SRGAP1: variants seen among roughly 807,000 people sequenced by gnomAD.
SRGAP1 encodes the protein SLIT-ROBO Rho GTPase-activating protein 1.
Under a neutral mutation model 121.9 loss-of-function variants are expected in SRGAP1, and 43 were observed. The observed-to-expected ratio is 0.35, with a 90% confidence interval of 0.28 to 0.46. The LOEUF (loss-of-function observed/expected upper bound fraction) is 0.46, where lower values mean the gene tolerates loss of function less well. SRGAP1 is among the 20% of genes least tolerant of loss of function. The pLI is 1.00. For missense variants in SRGAP1, 1,102 were observed against 1,350.9 expected, an observed-to-expected ratio of 0.82 and a Z score of 2.89; for synonymous variants, 447 against 485.4, an observed-to-expected ratio of 0.92 and a Z score of 1.04.
At chr12:63,998,250 A>G (rs912387986) in intron 3 of SRGAP1, among the ~76,000 whole-genome samples, 1 of 152,226 alleles carries the variant, frequency 6.6e-6, no homozygotes, top group Non-Finnish European at 1.5e-5. Flanking sequence ...TAAGTAATGA[A>G]TAAAGATTTA....
At chr12:63,925,917 C>G (rs1356888711) in intron 1 of SRGAP1, among the ~76,000 whole-genome samples, 38 of 152,120 alleles carry the variant, frequency 2.5e-4, no homozygotes, top group Non-Finnish European at 1.5e-5. Context: ...CCATTTTGTT[C>G]TTTAATTCAC....
rs965042351 is a variant in SRGAP1 at position 64,142,508 on chromosome 12, A to G, written c.3094A>G (p.Ser1032Gly). ...PQIRRSTSSS[S>G]DTMSTFKPMV... is the part of the protein sequence containing the mutation. ...GATTCGACGTAGCACGAGCTCCTCC[A>G]GTGACACAATGAGTACTTTCAAGCC... Residue 1032 changes from serine (S) to glycine (G), a missense_variant, in exon 22 of 22, where the codon AGT becomes GGT. Ser to Gly is a moderately conservative substitution (Grantham distance 56). Coordinates refer to ENST00000355086, the MANE Select transcript of SRGAP1 (RefSeq NM_020762.4). The G allele has an allele frequency of 3.1e-6, 5 of 1,614,186 alleles. No individual in the cohort carries two copies. The highest frequency in any genetic ancestry group is 2.5e-6 in the Non-Finnish European group (3 of 1,180,036).
chr12:63,960,148 A>G lies in SRGAP1; in HGVS notation c.68-23799A>G, dbSNP rs543717249. Reference sequence around the variant, plus strand: ...GGAAAATGCCTGCGTGTTTGGTCCAATAGTGGAATCCATTTAAGGTGACAT... The same window carrying G: ...GGAAAATGCCTGCGTGTTTGGTCCAGTAGTGGAATCCATTTAAGGTGACAT... On this transcript the variant is annotated intron_variant, in intron 1 of 21. Transcript: ENST00000355086. Among the ~76,000 whole-genome samples, 5 of 152,332 alleles carry G rather than the reference A, an allele frequency of 3.3e-5. No homozygotes were observed. In the South Asian group the frequency reaches 1.0e-3, roughly 32 times the overall value.
intron 1 of SRGAP1, among the ~76,000 whole-genome samples, chr12:63,949,013 C>T: frequency 1.7e-5 from 2 of 115,342 alleles, no homozygotes; most frequent in African/African-American, 8.0e-5. Flanking sequence ...TATATATATT[C>T]ATATATGTAT....
At position 64,154,098 on chromosome 12, in the gene SRGAP1, CTT is replaced by C. The variant is rs2037145575; in HGVS notation, c.*11427_*11428del. On this transcript the variant is annotated 3_prime_UTR_variant, in exon 22 of 22. Transcript: ENST00000355086. ...ATGAGATATCTAAAGTAGTCAAACT[CTT>C]ATAAACAGAAAGCAGAATGGTGATT... 6.6e-6 allele frequency: 1 copy of C among 152,102 alleles called. No homozygotes were observed. 9.4% of individuals were successfully genotyped at this position (152,102 alleles called of 1,614,324 possible).
intron 21 of SRGAP1, among the ~76,000 whole-genome samples, chr12:64,138,431 T>C (rs993594031): frequency 6.6e-6 from 1 of 150,414 alleles, no homozygotes; most frequent in African/African-American, 2.4e-5. Flanking sequence ...CCTTTTACTA[T>C]CTGAAATAAA....
In SRGAP1 at chr12:64,091,356, G is replaced by T; in HGVS notation, c.1517G>T (p.Gly506Val). The T allele has an allele frequency of 6.2e-7, 1 of 1,607,228 alleles. No individual in the cohort carries two copies. Among genetic ancestry groups the T allele is most frequent in the Non-Finnish European group, 8.5e-7 (1 of 1,175,946 alleles). ...RSQYNTKLFNGDLETFVKDSG... is the reference protein window; with the variant it reads ...RSQYNTKLFNVDLETFVKDSG... ...CAGTATAATACTAAGTTGTTTAATG[G>T]GGATTTGGAAACATTCGTCAAGGTA... The change falls in exon 12 of 22, where the codon GGG becomes GTG. Residue 506 changes from glycine to valine, a missense_variant. Physicochemically the swap from Gly to Val is moderately radical, Grantham distance 109. This residue lies in a region of SRGAP1 where 747 missense variants were observed against 929.4 expected (regional missense o/e 0.80). Coordinates refer to ENST00000355086, the MANE Select transcript of SRGAP1 (RefSeq NM_020762.4).
At position 64,036,307 on chromosome 12, in the gene SRGAP1, C is replaced by T. The variant is rs569966842; in HGVS notation, c.490-6483C>T. ...AAGGTGGCCCTGGTGGCTTTCCCCA[C>T]GCACCTGAGAGTTTCCTGGGAAACA... On this transcript the variant is annotated intron_variant, in intron 4 of 21. Coordinates refer to ENST00000355086, the MANE Select transcript of SRGAP1 (RefSeq NM_020762.4). Among the ~76,000 whole-genome samples the T allele has an allele frequency of 2.6e-5, 4 of 152,266 alleles. No homozygotes were observed. The South Asian group carries it at 8.3e-4, about 32-fold the overall frequency.
chr12:64,078,848 G>A, intron 8 of SRGAP1, 71 bp from the exon 9 acceptor site: 1 of 1,511,054 alleles, frequency 6.6e-7, no homozygotes, highest in Non-Finnish European at 9.0e-7. Flanking sequence ...CTACCTGACA[G>A]AGTGGACTCT....
chr12:63,902,496 T>C (rs918393696), intron 1 of SRGAP1, among the ~76,000 whole-genome samples: 45 of 152,204 alleles, frequency 3.0e-4, no homozygotes, highest in African/African-American at 1.1e-3. Context: ...GAAAGCAGAC[T>C]AACCACAGTT....
At chr12:63,891,527 A>T (rs2136297000) in intron 1 of SRGAP1, among the ~76,000 whole-genome samples, 1 of 152,136 alleles carries the variant, frequency 6.6e-6, no homozygotes, top group African/African-American at 2.4e-5. Flanking sequence ...ATTACTTAGG[A>T]TCTGGTTGGG....
chr12:64,020,775 G>A (rs1435553570), intron 4 of SRGAP1, among the ~76,000 whole-genome samples: 1 of 151,032 alleles, frequency 6.6e-6, no homozygotes, highest in Non-Finnish European at 1.5e-5. Context: ...CCCAAGAGGT[G>A]GGGATTGCAG....
intron 3 of SRGAP1, among the ~76,000 whole-genome samples, chr12:64,015,912 A>G (rs2034389858): frequency 6.6e-6 from 1 of 152,178 alleles, no homozygotes; most frequent in Non-Finnish European, 1.5e-5. Flanking sequence ...ATGGGGGAAA[A>G]AAGGTCATTT....
intron 21 of SRGAP1, among the ~76,000 whole-genome samples, chr12:64,132,475 T>A (rs765420078): frequency 6.6e-5 from 10 of 152,232 alleles, no homozygotes; most frequent in Non-Finnish European, 1.5e-4. Context: ...AAGAGGAACG[T>A]GTTGCCTCCA....
intron 3 of SRGAP1, among the ~76,000 whole-genome samples, chr12:63,992,758 T>A (rs879442899): frequency 1.3e-5 from 2 of 151,858 alleles, no homozygotes; most frequent in African/African-American, 2.4e-5. Context: ...AACAGATATG[T>A]CTTCTTGCTT....
At chr12:64,133,067 T>G (rs2036809706) in intron 21 of SRGAP1, among the ~76,000 whole-genome samples, 1 of 152,268 alleles carries the variant, frequency 6.6e-6, no homozygotes, top group African/African-American at 2.4e-5. Flanking sequence ...ACTGTCATTC[T>G]CCAGAATCCA....
chr12:64,110,789 G>A lies in SRGAP1; in HGVS notation c.1920-973G>A, dbSNP rs191813317. Reference sequence around the variant, plus strand: ...AAGGGAAAGACATATGTTAGCTATGGAAATTATGCTTTTGTATTTTCTACT... The same window carrying A: ...AAGGGAAAGACATATGTTAGCTATGAAAATTATGCTTTTGTATTTTCTACT... On this transcript the variant is annotated intron_variant, in intron 16 of 21. Transcript: ENST00000355086. Among the ~76,000 whole-genome samples, 18 of 152,228 alleles carry A rather than the reference G, an allele frequency of 1.2e-4. No homozygotes were observed. In the East Asian group the frequency reaches 3.5e-3, roughly 29 times the overall value.
intron 6 of SRGAP1, among the ~76,000 whole-genome samples, chr12:64,053,147 A>G (rs1033417519): frequency 6.6e-6 from 1 of 152,228 alleles, no homozygotes; most frequent in African/African-American, 2.4e-5. Flanking sequence ...GTGTGTTCAC[A>G]TTGCCTTTGG....
intron 1 of SRGAP1, among the ~76,000 whole-genome samples, chr12:63,916,015 G>GTCTTT: frequency 7.0e-6 from 1 of 143,034 alleles, no homozygotes; most frequent in Admixed American, 7.6e-5. Context: ...CAGAAATGGT[G>GTCTTT]TCTTTTCTTT....
Sources: allele counts gnomAD v4.1 joint callset (sites outside exome capture counted in the v4.1 genomes callset), GRCh38; gene constraint gnomAD v4.1.1; regional missense constraint gnomAD v4.1.1; transcripts MANE v1.5; gene names NCBI Gene and HGNC (gene_info 2026-07-23, HGNC 2026-07-21).